ZNF74: variants seen among roughly 807,000 people sequenced by gnomAD.
ZNF74 encodes the protein zinc finger protein 74.
Under a neutral mutation model 17.7 loss-of-function variants are expected in ZNF74, and 12 were observed. The observed-to-expected ratio is 0.68, with a 90% CI of 0.43 to 1.10. The LOEUF (loss-of-function observed/expected upper bound fraction) is 1.10, where lower values mean the gene tolerates loss of function less well. Ranked by LOEUF, ZNF74 falls within the 50% of genes least tolerant of loss-of-function variation. The pLI is 0.00. For missense variants in ZNF74, 811 were observed against 881.0 expected (o/e 0.92, Z 1.01); for synonymous variants, 358 against 362.1 (o/e 0.99, Z 0.13).
rs987785230 is a variant in ZNF74, at chr22:20,406,828, C to G, written c.1795C>G (p.Pro599Ala). Residue 599 changes from proline to alanine, a missense_variant, in exon 5 of 5, where the codon CCT becomes GCT. Pro to Ala is a conservative substitution (Grantham distance 27). This residue lies in a region of ZNF74 where 115 missense variants were observed against 119.5 expected (regional missense o/e 0.96). Transcript: ENST00000400451. ...ACACCTGCTCAGCACATACTACGTG[C>G]CTGGCAGCCTGCTGGGTGCAGGGGA... ...NKHLLSTYYV[P>A]GSLLGAGDAG... The G allele has an allele frequency of 6.2e-7, 1 of 1,614,108 alleles. No individual in the cohort carries two copies. Among genetic ancestry groups the G allele is most frequent in the Non-Finnish European group, 8.5e-7 (1 of 1,180,036 alleles).
In ZNF74 at chr22:20,395,875, G is replaced by C. The variant is rs186299582; in HGVS notation, c.120+457G>C. ...ATTGCAGCACTTGGTTAAGAGTGGCGGTAGGGGACACATCCCTGTGTGCTT... is the reference window on the plus strand; with the variant it reads ...ATTGCAGCACTTGGTTAAGAGTGGCCGTAGGGGACACATCCCTGTGTGCTT... On this transcript the variant is annotated intron_variant, in intron 2 of 4. Coordinates refer to ENST00000400451, the MANE Select transcript of ZNF74 (RefSeq NM_003426.4). Among the ~76,000 whole-genome samples the C allele has an allele frequency of 3.7e-3, 557 of 152,242 alleles. 2 individuals carry two copies. Among genetic ancestry groups the C allele is most frequent in the African/African-American group, 0.013 (547 of 41,534 alleles).
intron 2 of ZNF74, chr22:20,400,169 A>C (rs1455503012): frequency 5.8e-6 from 1 of 171,180 alleles, no homozygotes; most frequent in African/African-American, 2.4e-5. Context: ...TTCCTTCCTT[A>C]GAGTGTAATA....
Position 20,406,772 on chromosome 22 carries a change from A to AG in ZNF74, c.1743dup (p.Lys582GlufsTer66). On this transcript the variant is annotated frameshift_variant, in exon 5 of 5. Transcript: ENST00000400451. LOFTEE classifies it low-confidence loss of function (END_TRUNC). Reference sequence around the variant, plus strand: ...ACTGAGCACCAGAGGCTGCACAGCGAGGGGAAGCCCTTGGCCATCCAGTTC... The same window carrying AG: ...ACTGAGCACCAGAGGCTGCACAGCGAGGGGGAAGCCCTTGGCCATCCAGTTC... The AG allele has an allele frequency of 6.2e-7, 1 of 1,614,132 alleles. No individual in the cohort carries two copies. The highest frequency in any genetic ancestry group is 8.5e-7 in the Non-Finnish European group (1 of 1,180,036).
chr22:20,395,206 G>A (rs939794363), intron 1 of ZNF74, 127 bp from the exon 2 acceptor site: 5 of 655,472 alleles, frequency 7.6e-6, no homozygotes, highest in African/African-American at 1.8e-5. Context: ...ACTGGGGCTC[G>A]TTCCCCACCT....
Position 20,406,945 on chromosome 22 carries a change from C to T in ZNF74, c.1912C>T (p.Leu638=). 1.2e-6 allele frequency: 2 copies of T among 1,613,126 alleles called. No individual in the cohort carries two copies. Among genetic ancestry groups the T allele is most frequent in the South Asian group, 2.2e-5 (2 of 91,020 alleles). The part of the protein sequence containing the change: ...VPPRAGRNFS[L]GSKPRN ...CCCCAGAGCTGGCAGGAATTTCTCC[C>T]TGGGGAGCAAACCTCGAAACTAACA... The change falls in exon 5 of 5, where the codon CTG becomes TTG. Residue 638 remains leucine (L), a synonymous_variant. Transcript: ENST00000400451.
At position 20,405,441 on chromosome 22, in the gene ZNF74, G is replaced by T. The variant is rs1470030242; in HGVS notation, c.408G>T (p.Glu136Asp). 6 of 1,613,372 alleles carry T rather than the reference G, an allele frequency of 3.7e-6. No homozygotes were observed. The East Asian group carries it at 1.1e-4, about 30-fold the overall frequency. The change falls in exon 5 of 5, where the codon GAG (glutamate) becomes GAT (aspartate). Residue 136 changes from glutamate to aspartate, a missense_variant. This residue lies in a region of ZNF74 where 666 missense variants were observed against 702.3 expected (regional missense o/e 0.95). Coordinates refer to ENST00000400451, the MANE Select transcript of ZNF74 (RefSeq NM_003426.4). Reference protein sequence around the residue: ...QGICKEEPAQEPIMERPLGGA... With the variant: ...QGICKEEPAQDPIMERPLGGA... ...TTTGCAAAGAAGAACCGGCCCAGGA[G>T]CCCATCATGGAGCGGCCCCTCGGCG...
intron 1 of ZNF74, 114 bp from the exon 2 acceptor site, chr22:20,395,219 C>A: frequency 1.4e-6 from 1 of 715,146 alleles, no homozygotes; most frequent in Non-Finnish European, 2.4e-6. Context: ...CCCCACCTGG[C>A]CTTGCTGGCA....
chr22:20,406,915 G>C lies in ZNF74; in HGVS notation c.1882G>C (p.Val628Leu). The change falls in exon 5 of 5, where the codon GTT becomes CTT. Residue 628 changes from valine (V) to leucine (L), a missense_variant. Physicochemically the swap from Val to Leu is conservative, Grantham distance 32 (BLOSUM62 1). Transcript: ENST00000400451. Reference sequence around the variant, plus strand: ...GGATGTGGCAAAGCTCTTGTGCGTGGTTCCCCCCAGAGCTGGCAGGAATTT... The same window carrying C: ...GGATGTGGCAAAGCTCTTGTGCGTGCTTCCCCCCAGAGCTGGCAGGAATTT... ...ALDVAKLLCVVPPRAGRNFSL... is the reference protein window; with the variant it reads ...ALDVAKLLCVLPPRAGRNFSL... 1 of 1,613,944 alleles carries C rather than the reference G, an allele frequency of 6.2e-7. No individual in the cohort carries two copies. The highest frequency in any genetic ancestry group is 8.5e-7 in the Non-Finnish European group (1 of 1,180,014).
intron 2 of ZNF74, among the ~76,000 whole-genome samples, chr22:20,396,140 T>C (rs540611490): frequency 2.6e-5 from 4 of 151,502 alleles, no homozygotes; most frequent in Admixed American, 2.6e-4. Flanking sequence ...GTGAAAGATG[T>C]GGAGGAATAA....
At position 20,401,390 on chromosome 22, in the gene ZNF74, T is replaced by G. The variant is rs2052355915; in HGVS notation, c.343+18T>G. On this transcript the variant is annotated intron_variant, in intron 4 of 4. Coordinates refer to ENST00000400451, the MANE Select transcript of ZNF74 (RefSeq NM_003426.4). The surrounding 1 kb of genome is among the most constrained non-coding windows in gnomAD (Gnocchi z 4.2). ...CTGTCCAGGTGAGCAGAGGCACAGG[T>G]GGAAGGGTGCCAGCCCCAGCACCCC... The G allele has an allele frequency of 6.5e-7, 1 of 1,549,346 alleles. No homozygotes were observed. The highest frequency in any genetic ancestry group is 8.8e-7 in the Non-Finnish European group (1 of 1,132,246).
chr22:20,396,907 A>G (rs977957617), intron 2 of ZNF74, among the ~76,000 whole-genome samples: 1 of 151,816 alleles, frequency 6.6e-6, no homozygotes, highest in African/African-American at 2.4e-5. Flanking sequence ...TTAGACATGG[A>G]CTTCTCCCAG....
rs117272167 is a variant in ZNF74 at position 20,395,733 on chromosome 22, A to G, written c.120+315A>G. ...TCTGAGAAAGTAGTTGACGGCTCAC[A>G]TGGGGTCGCTTTGCCTATCCACGTG... On this transcript the variant is annotated intron_variant, in intron 2 of 4. Coordinates refer to ENST00000400451, the MANE Select transcript of ZNF74 (RefSeq NM_003426.4). Among the ~76,000 whole-genome samples, 7 of 152,220 alleles carry G rather than the reference A, an allele frequency of 4.6e-5. No individual in the cohort carries two copies. In the East Asian group the frequency reaches 1.4e-3, roughly 29 times the overall value.
intron 4 of ZNF74, among the ~76,000 whole-genome samples, chr22:20,404,908 C>T (rs1045256572): frequency 6.6e-6 from 1 of 152,180 alleles, no homozygotes; most frequent in Non-Finnish European, 1.5e-5. Context: ...CCACTGCACT[C>T]CGGCCTGGGC....
rs767754025 is a variant in ZNF74, at chr22:20,394,280, G to T, written c.-349G>T. The T allele has an allele frequency of 1.4e-6, 1 of 706,926 alleles. No individual in the cohort carries two copies. Among genetic ancestry groups the T allele is most frequent in the Non-Finnish European group, 2.6e-6 (1 of 381,822 alleles). The allele number at this position is 706,926 out of a possible 1,614,324, so 43.8% of individuals were successfully genotyped here. A position where few individuals can be genotyped will look rare whatever the true frequency, so the allele number is the denominator to read the frequency against. On this transcript the variant is annotated 5_prime_UTR_variant, in exon 1 of 5. Coordinates refer to ENST00000400451, the MANE Select transcript of ZNF74 (RefSeq NM_003426.4). ...GGGACCTGTCCGCTGGTCGCTCCGC[G>T]TCCGATGGCTCCTGGCCGCGGAACC...
At chr22:20,402,032 T>C (rs553361305) in intron 4 of ZNF74, among the ~76,000 whole-genome samples, 1 of 152,376 alleles carries the variant, frequency 6.6e-6, no homozygotes, top group Admixed American at 6.5e-5. Context: ...ACATTCTTTT[T>C]GTAGACTTCT....
Position 20,407,063 on chromosome 22 carries a change from T to A in ZNF74, c.*95T>A. ...GGCTCCTAGATCCAGACCACCTTCCTCCAGGTGTGGGAGCCTTGCCTTATC... is the reference window on the plus strand; with the variant it reads ...GGCTCCTAGATCCAGACCACCTTCCACCAGGTGTGGGAGCCTTGCCTTATC... On this transcript the variant is annotated 3_prime_UTR_variant, in exon 5 of 5. Transcript: ENST00000400451. The A allele has an allele frequency of 6.8e-7, 1 of 1,463,066 alleles. No individual in the cohort carries two copies. 90.6% of individuals were successfully genotyped at this position (1,463,066 alleles called of 1,614,324 possible).
chr22:20,398,333 A>C (rs1474940482), intron 2 of ZNF74, among the ~76,000 whole-genome samples: 1 of 56,678 alleles, frequency 1.8e-5, no homozygotes, highest in Admixed American at 2.0e-4. Context: ...AAAAAAAAAA[A>C]AAAAAAACCT....
rs1467585722 is a variant in ZNF74 at position 20,394,362 on chromosome 22, G to T, written c.-267G>T. The T allele has an allele frequency of 2.9e-6, 2 of 686,218 alleles. No individual in the cohort carries two copies. The highest frequency in any genetic ancestry group is 4.2e-5 in the Admixed American group (2 of 47,624). The allele number at this position is 686,218 out of a possible 1,614,324, so 42.5% of individuals were successfully genotyped here. On this transcript the variant is annotated 5_prime_UTR_variant, in exon 1 of 5. Coordinates refer to ENST00000400451, the MANE Select transcript of ZNF74 (RefSeq NM_003426.4). ...TCGCCGGGAGGAGCGTGTGGCGGGG[G>T]TGTGCCGGGGCGTGAGTGCGCCGAG...
Position 20,405,816 on chromosome 22 carries a change from C to A in ZNF74, c.783C>A (p.Ser261=). 1.2e-6 allele frequency: 2 copies of A among 1,612,442 alleles called. No homozygotes were observed. The highest frequency in any genetic ancestry group is 1.7e-6 in the Non-Finnish European group (2 of 1,179,640). Residue 261 remains serine, a synonymous_variant, in exon 5 of 5, where the codon TCC becomes TCA. Coordinates refer to ENST00000400451, the MANE Select transcript of ZNF74 (RefSeq NM_003426.4). ...GCGGGAAGGCGTTCCGCCAGAGCTC[C>A]TCCCTCACGCTGCACCGGCGCTGGC... ...GECGKAFRQS[S]SLTLHRRWHS...
Sources: gnomAD v4.1 joint callset for allele counts (sites outside exome capture counted in the v4.1 genomes callset) on GRCh38, gnomAD v4.1.1 for gene constraint, gnomAD v4.1.1 regional missense constraint, Gnocchi (gnomAD v3.1) non-coding constraint, MANE v1.5 for transcripts, NCBI Gene and HGNC (gene_info 2026-07-23, HGNC 2026-07-21) for gene names.